BTRC: variants seen among roughly 807,000 people sequenced by gnomAD.
The protein encoded by BTRC is F-box/WD repeat-containing protein 1A.
BTRC carries 42 observed loss-of-function variants against 85.5 expected under a neutral mutation model. The ratio of observed to expected loss-of-function variants is 0.49; its 90% CI spans 0.38 to 0.64. The LOEUF is 0.64. Ranked by LOEUF, BTRC falls within the 30% of genes least tolerant of loss-of-function variation. The pLI is 0.00. For missense variants in BTRC, 594 were observed against 743.5 expected, an observed-to-expected ratio of 0.80 and a Z score of 2.34; for synonymous variants, 255 against 263.3, an observed-to-expected ratio of 0.97 and a Z score of 0.30.
chr10:101,355,737 C>T (rs1942016029), intron 1 of BTRC, among the ~76,000 whole-genome samples: 1 of 152,192 alleles, frequency 6.6e-6, no homozygotes, highest in Non-Finnish European at 1.5e-5. Flanking sequence ...AGACTTTAAA[C>T]TGCCCCATTT....
At chr10:101,437,306 T>C (rs1315178836) in intron 2 of BTRC, among the ~76,000 whole-genome samples, 1 of 152,170 alleles carries the variant, frequency 6.6e-6, no homozygotes, top group Non-Finnish European at 1.5e-5. Context: ...TTGGTAAATA[T>C]ATAAACAAGA....
chr10:101,414,428 A>T (rs1943869558), intron 1 of BTRC, among the ~76,000 whole-genome samples: 1 of 152,226 alleles, frequency 6.6e-6, no homozygotes, highest in Non-Finnish European at 1.5e-5. Context: ...AAAGTGTAGT[A>T]CATACTATTA....
chr10:101,367,239 T>C (rs899746696), intron 1 of BTRC, among the ~76,000 whole-genome samples: 11 of 148,606 alleles, frequency 7.4e-5, no homozygotes, highest in Non-Finnish European at 1.2e-4. Flanking sequence ...CCAGCTAATT[T>C]TTGTATTTTT....
chr10:101,551,574 A>C (rs1425735894), intron 14 of BTRC, among the ~76,000 whole-genome samples: 3 of 152,192 alleles, frequency 2.0e-5, no homozygotes, highest in African/African-American at 4.8e-5. Context: ...CAGTTCGAAT[A>C]CACTAGGTTG....
chr10:101,532,214 C>T, intron 7 of BTRC, 81 bp from the exon 8 acceptor site: 6 of 1,439,512 alleles, frequency 4.2e-6, no homozygotes, highest in South Asian at 1.4e-5. Context: ...AGCATTGAGC[C>T]ATTGATTGTC....
intron 4 of BTRC, among the ~76,000 whole-genome samples, chr10:101,491,141 A>C (rs898288328): frequency 6.6e-6 from 1 of 152,102 alleles, no homozygotes; most frequent in African/African-American, 2.4e-5. Context: ...TTATTAACAT[A>C]GTATACAGAT....
At chr10:101,382,278 C>T (rs766509248) in intron 1 of BTRC, among the ~76,000 whole-genome samples, 1 of 151,708 alleles carries the variant, frequency 6.6e-6, no homozygotes, top group African/African-American at 2.4e-5. Flanking sequence ...CCACCGCGTC[C>T]GGCCCCTAAG....
intron 13 of BTRC, among the ~76,000 whole-genome samples, chr10:101,550,425 T>C (rs1044661531): frequency 3.3e-5 from 5 of 151,956 alleles, no homozygotes; most frequent in Non-Finnish European, 7.4e-5. Flanking sequence ...GCTGGGACTA[T>C]AGGCACATGC....
chr10:101,529,785 A>G (rs1390596273), intron 6 of BTRC, among the ~76,000 whole-genome samples: 4 of 152,190 alleles, frequency 2.6e-5, no homozygotes, highest in Non-Finnish European at 5.9e-5. Flanking sequence ...CAGGGGAGAA[A>G]CACTCCTGGA....
At chr10:101,359,013 A>C (rs377580727) in intron 1 of BTRC, among the ~76,000 whole-genome samples, 1 of 152,212 alleles carries the variant, frequency 6.6e-6, no homozygotes, top group African/African-American at 2.4e-5. Flanking sequence ...TTTGTGGGTC[A>C]TAATGCTAGG....
intron 1 of BTRC, among the ~76,000 whole-genome samples, chr10:101,406,407 G>T (rs530339037): frequency 6.7e-6 from 1 of 150,036 alleles, no homozygotes; most frequent in African/African-American, 2.5e-5. Context: ...CTCGTGATCC[G>T]CCCGCCTCAG....
chr10:101,354,191 C>T lies in BTRC; in HGVS notation c.11C>T (p.Ala4Val). Residue 4 changes from alanine (A) to valine (V), a missense_variant, in exon 1 of 15, where the codon GCC becomes GTC. Coordinates refer to ENST00000370187, the MANE Select transcript of BTRC (RefSeq NM_033637.4). ...GTGGCCTCGGCGATTATGGACCCGGCCGAGGCGGTGCTGCAAGAGAAGGCA... is the reference window on the plus strand; with the variant it reads ...GTGGCCTCGGCGATTATGGACCCGGTCGAGGCGGTGCTGCAAGAGAAGGCA... MDP[A>V]EAVLQEKALK... 1.3e-6 allele frequency: 2 copies of T among 1,549,124 alleles called. No individual in the cohort carries two copies. Among genetic ancestry groups the T allele is most frequent in the Non-Finnish European group, 1.7e-6 (2 of 1,146,692 alleles).
intron 2 of BTRC, among the ~76,000 whole-genome samples, chr10:101,432,876 C>T (rs1944437293): frequency 6.6e-6 from 1 of 152,118 alleles, no homozygotes; most frequent in Admixed American, 6.6e-5. Context: ...AGAGTATTAC[C>T]AACCATGAAA....
intron 13 of BTRC, among the ~76,000 whole-genome samples, chr10:101,539,714 T>C (rs966630461): frequency 6.6e-6 from 1 of 152,224 alleles, no homozygotes; most frequent in Non-Finnish European, 1.5e-5. Flanking sequence ...CTAGGTCATA[T>C]GGTAAGTGTA....
chr10:101,462,618 G>A (rs961899806), intron 3 of BTRC, among the ~76,000 whole-genome samples: 18 of 150,672 alleles, frequency 1.2e-4, no homozygotes, highest in African/African-American at 3.9e-4. Context: ...GGCAGAGGTT[G>A]CGGTGAGCTG....
At chr10:101,359,389 T>G (rs1266863143) in intron 1 of BTRC, among the ~76,000 whole-genome samples, 2 of 152,100 alleles carry the variant, frequency 1.3e-5, no homozygotes, top group African/African-American at 4.8e-5. Context: ...TTATAGGTGT[T>G]GGGGTATGAA....
At chr10:101,362,178 C>G (rs1942227562) in intron 1 of BTRC, among the ~76,000 whole-genome samples, 2 of 151,822 alleles carry the variant, frequency 1.3e-5, no homozygotes, top group Non-Finnish European at 2.9e-5. Flanking sequence ...CCAGGACAGT[C>G]TCGATCTCCT....
chr10:101,407,579 T>C (rs995991629), intron 1 of BTRC, among the ~76,000 whole-genome samples: 30 of 152,000 alleles, frequency 2.0e-4, no homozygotes, highest in African/African-American at 6.5e-4. Flanking sequence ...TTAGTAGAGA[T>C]GGGGTTTTGC....
chr10:101,405,494 G>A (rs1943598856), intron 1 of BTRC, among the ~76,000 whole-genome samples: 1 of 152,198 alleles, frequency 6.6e-6, no homozygotes. Context: ...GAACTAGAGG[G>A]CTTTTCCTGG....
Sources: allele counts gnomAD v4.1 joint callset (sites outside exome capture counted in the v4.1 genomes callset), GRCh38; gene constraint gnomAD v4.1.1; transcripts MANE v1.5; gene names NCBI Gene and HGNC (gene_info 2026-07-23, HGNC 2026-07-21).